SLC23A2: variants seen among roughly 807,000 people sequenced by gnomAD.
SLC23A2 encodes the protein Na(+)/L-ascorbic acid transporter 2.
SLC23A2 carries 36 observed loss-of-function variants against 73.3 expected under a neutral mutation model. The observed-to-expected ratio is 0.49, with a 90% CI of 0.38 to 0.65. The LOEUF is 0.65. Ranked by LOEUF, SLC23A2 falls within the 30% of genes least tolerant of loss-of-function variation. The pLI is 0.00. For synonymous variants in SLC23A2, 343 were observed against 327.3 expected (o/e 1.05, Z -0.52); for missense variants, 507 against 841.6 (o/e 0.60, Z 4.92).
chr20:4,980,814 G>C (rs79054518), intron 1 of SLC23A2, among the ~76,000 whole-genome samples: 2,642 of 152,234 alleles, frequency 0.017, 67 homozygotes, highest in African/African-American at 0.054. Flanking sequence ...TTACCGGTGT[G>C]AGCCACCGCG....
At chr20:4,948,015 G>C (rs1262162624) in intron 2 of SLC23A2, among the ~76,000 whole-genome samples, 2 of 152,152 alleles carry the variant, frequency 1.3e-5, no homozygotes, top group Admixed American at 1.3e-4. Flanking sequence ...ACTGTGTCTG[G>C]GATGCCTGCT....
chr20:4,951,528 T>C (rs531462353), intron 2 of SLC23A2, among the ~76,000 whole-genome samples: 3 of 152,244 alleles, frequency 2.0e-5, no homozygotes, highest in East Asian at 3.9e-4. Flanking sequence ...AAAGGGGCAA[T>C]GAAGCCAGCT....
Position 4,869,332 on chromosome 20 carries a change from AC to A in SLC23A2, c.1250+573del, listed in dbSNP as rs1326622594. ...GTCTTTTTAAATTAAAAACAAACAA[AC>A]AAAAAAAAAACAAAAAAAACCTGTA... On this transcript the variant is annotated intron_variant, in intron 12 of 16. Coordinates refer to ENST00000338244, the MANE Select transcript of SLC23A2 (RefSeq NM_005116.6). Among the ~76,000 whole-genome samples the A allele has an allele frequency of 2.5e-4, 35 of 142,012 alleles. No individual in the cohort carries two copies. In the East Asian group the frequency reaches 3.6e-3, roughly 15 times the overall value. The allele number at this position is 142,012 out of a possible 152,430, so 93.2% of individuals were successfully genotyped here.
At chr20:4,867,079 A>AAT (rs1353540790) in intron 13 of SLC23A2, among the ~76,000 whole-genome samples, 1 of 151,018 alleles carries the variant, frequency 6.6e-6, no homozygotes, top group Non-Finnish European at 1.5e-5. Context: ...AAAAAAAAAA[A>AAT]AAATCTGACC....
At chr20:4,945,182 GT>G (rs1211322806) in intron 2 of SLC23A2, among the ~76,000 whole-genome samples, 2 of 152,112 alleles carry the variant, frequency 1.3e-5, no homozygotes, top group Non-Finnish European at 2.9e-5. Flanking sequence ...GTAAGCAGTG[GT>G]GATTATTTGA....
At chr20:4,949,658 C>T (rs901981560) in intron 2 of SLC23A2, among the ~76,000 whole-genome samples, 4 of 151,956 alleles carry the variant, frequency 2.6e-5, no homozygotes, top group African/African-American at 4.8e-5. Context: ...CACACACAGG[C>T]GCGCACACAC....
At chr20:4,938,564 T>G (rs937800503) in intron 2 of SLC23A2, among the ~76,000 whole-genome samples, 2 of 152,110 alleles carry the variant, frequency 1.3e-5, no homozygotes, top group Non-Finnish European at 2.9e-5. Context: ...CGACCTCAGG[T>G]GATCCGCCCA....
chr20:4,960,660 A>G (rs1249452566), intron 2 of SLC23A2, among the ~76,000 whole-genome samples: 1 of 152,222 alleles, frequency 6.6e-6, no homozygotes, highest in Non-Finnish European at 1.5e-5. Context: ...TCATTATTAT[A>G]TGTTGGTTTG....
intron 2 of SLC23A2, among the ~76,000 whole-genome samples, chr20:4,940,246 T>C (rs2087019376): frequency 6.6e-6 from 1 of 151,498 alleles, no homozygotes; most frequent in African/African-American, 2.4e-5. Context: ...GCCTGGGAGG[T>C]AGAGTTTGCA....
chr20:4,996,070 C>T (rs1399720175), intron 1 of SLC23A2, among the ~76,000 whole-genome samples: 1 of 152,164 alleles, frequency 6.6e-6, no homozygotes, highest in Admixed American at 6.5e-5. Flanking sequence ...AGCCACCTTG[C>T]CTGCCAGTTG....
At chr20:4,910,952 C>G (rs1012595870) in intron 4 of SLC23A2, among the ~76,000 whole-genome samples, 2 of 152,160 alleles carry the variant, frequency 1.3e-5, no homozygotes, top group African/African-American at 2.4e-5. Flanking sequence ...ACAACTGGAT[C>G]CCTCCCATCA....
chr20:4,857,327 CACACACACAT>C lies in SLC23A2; in HGVS notation c.1721-133_1721-124del, dbSNP rs1422306404. The C allele has an allele frequency of 2.2e-3, 1,270 of 574,516 alleles. 2 individuals carry two copies. Among genetic ancestry groups the C allele is most frequent in the East Asian group, 2.9e-3 (101 of 35,308 alleles). The allele number at this position is 574,516 out of a possible 1,614,324, so 35.6% of individuals were successfully genotyped here. A position where few individuals can be genotyped will look rare whatever the true frequency, so the allele number is the denominator to read the frequency against. On this transcript the variant is annotated intron_variant, in intron 16 of 16. Transcript: ENST00000338244. This position sits in a 1 kb window ranked among gnomAD's most constrained non-coding sequence, Gnocchi z 4.0. ...ACACACACACACACACACACACACACACACACACATGGTCCCACAGATCAAACCTGCCTAG... is the reference window on the plus strand; with the variant it reads ...ACACACACACACACACACACACACACGGTCCCACAGATCAAACCTGCCTAG...
chr20:4,897,746 T>C (rs1231883264), intron 6 of SLC23A2, among the ~76,000 whole-genome samples: 3 of 152,180 alleles, frequency 2.0e-5, no homozygotes, highest in Non-Finnish European at 2.9e-5. Flanking sequence ...TTAGCAACTT[T>C]GCCCATCAGG....
At chr20:4,888,557 G>A (rs1175439063) in intron 6 of SLC23A2, among the ~76,000 whole-genome samples, 1 of 152,122 alleles carries the variant, frequency 6.6e-6, no homozygotes, top group Non-Finnish European at 1.5e-5. Flanking sequence ...GACAGCAGGA[G>A]AACCTAAGCA....
intron 6 of SLC23A2, among the ~76,000 whole-genome samples, chr20:4,894,853 A>T (rs1443649041): frequency 2.0e-5 from 3 of 152,224 alleles, no homozygotes; most frequent in Non-Finnish European, 4.4e-5. Flanking sequence ...TTATAGAATG[A>T]AACAGGTTTC....
intron 1 of SLC23A2, among the ~76,000 whole-genome samples, chr20:4,974,378 G>A (rs897392467): frequency 6.6e-6 from 1 of 152,136 alleles, no homozygotes; most frequent in African/African-American, 2.4e-5. Flanking sequence ...TGAGGCAGGA[G>A]AATCGCTTGA....
At chr20:4,877,776 T>C (rs946970130) in intron 9 of SLC23A2, among the ~76,000 whole-genome samples, 2 of 152,184 alleles carry the variant, frequency 1.3e-5, no homozygotes, top group African/African-American at 4.8e-5. Flanking sequence ...CACTTCTGAA[T>C]AGGTTTGAAA....
In SLC23A2 at chr20:4,902,489, T is replaced by C. The variant is rs760314010; in HGVS notation, c.277A>G (p.Ile93Val). The change falls in exon 5 of 17, where the codon ATA becomes GTA. Residue 93 changes from isoleucine (I) to valine (V), a missense_variant. Ile to Val is a conservative substitution (Grantham distance 29). Transcript: ENST00000338244. The surrounding 1 kb of genome is among the most constrained non-coding windows in gnomAD (Gnocchi z 4.0). ...AGGTACCAGGGAGGAACATCTTCTATGGTATAAATCATGTCTGATCGCTGG... is the reference window on the plus strand; with the variant it reads ...AGGTACCAGGGAGGAACATCTTCTACGGTATAAATCATGTCTGATCGCTGG... ...DPQRSDMIYT[I>V]EDVPPWYLCI... 30 of 1,613,006 alleles carry C rather than the reference T, an allele frequency of 1.9e-5. No individual in the cohort carries two copies. The highest frequency in any genetic ancestry group is 4.0e-5 in the African/African-American group (3 of 74,872).
chr20:4,922,686 G>A (rs1439724248), intron 3 of SLC23A2, among the ~76,000 whole-genome samples: 2 of 152,018 alleles, frequency 1.3e-5, no homozygotes, highest in Non-Finnish European at 2.9e-5. Context: ...AAATTAGCTG[G>A]GCATGGTCGT....
Sources: gnomAD v4.1 joint callset for allele counts (sites outside exome capture counted in the v4.1 genomes callset) on GRCh38, gnomAD v4.1.1 for gene constraint, Gnocchi (gnomAD v3.1) non-coding constraint, MANE v1.5 for transcripts, NCBI Gene and HGNC (gene_info 2026-07-23, HGNC 2026-07-21) for gene names.